The following GREB1 variants were observed in gnomAD, a reference collection of about 807,000 sequenced individuals.
GREB1 encodes the protein growth regulating estrogen receptor binding 1.
GREB1 carries 106 observed loss-of-function variants against 200.7 expected under a neutral mutation model. The ratio of observed to expected loss-of-function variants is 0.53; its 90% CI spans 0.45 to 0.62. The LOEUF (loss-of-function observed/expected upper bound fraction) is 0.62. Ranked by LOEUF, GREB1 falls within the 20% of genes least tolerant of loss-of-function variation. The pLI is 0.00. For synonymous variants in GREB1, 1,132 were observed against 1,092.4 expected (o/e 1.04, Z -0.72); for missense variants, 2,243 against 2,556.8 (o/e 0.88, Z 2.65).
chr2:11,640,420 G>C lies in GREB1; in HGVS notation c.5816G>C (p.Arg1939Pro), dbSNP rs750656652. 2 of 1,614,196 alleles carry C rather than the reference G, an allele frequency of 1.2e-6. No individual in the cohort carries two copies. The highest frequency in any genetic ancestry group is 1.7e-6 in the Non-Finnish European group (2 of 1,180,036). ...EFQTANAREDRPLFFLTGRHI is the reference protein window; with the variant it reads ...EFQTANAREDPPLFFLTGRHI ...CAGACCGCCAATGCCAGGGAAGACC[G>C]GCCGCTCTTTTTTCTGACGGGACGA... The change falls in exon 33 of 33, where the codon CGG becomes CCG. Residue 1939 changes from arginine (R) to proline (P), a missense_variant. This residue lies in a region of GREB1 where 478 missense variants were observed against 616.3 expected (regional missense o/e 0.78). Coordinates refer to ENST00000381486, the MANE Select transcript of GREB1 (RefSeq NM_014668.4). This position sits in a 1 kb window ranked among gnomAD's most constrained non-coding sequence, Gnocchi z 4.6.
intron 17 of GREB1, 137 bp downstream of exon 17, chr2:11,602,679 C>T: frequency 1.4e-6 from 1 of 711,898 alleles, no homozygotes; most frequent in Middle Eastern, 4.1e-4. Context: ...CTAAATGTAC[C>T]CTGGTTTTTT....
intron 1 of GREB1, among the ~76,000 whole-genome samples, chr2:11,495,244 A>G (rs1436016097): frequency 6.6e-6 from 1 of 152,156 alleles, no homozygotes; most frequent in Admixed American, 6.5e-5. Flanking sequence ...CTTTGTGCCA[A>G]CATTTTACAT....
intron 1 of GREB1, among the ~76,000 whole-genome samples, chr2:11,501,920 T>TTTTTTTTTTTTTTG (rs1673056985): frequency 1.7e-5 from 2 of 118,028 alleles, no homozygotes; most frequent in Non-Finnish European, 3.5e-5. Flanking sequence ...TTTTTTTTTT[T>TTTTTTTTTTTTTTG]TTTTTTTTTT....
chr2:11,515,991 G>A (rs1042043991), intron 1 of GREB1, among the ~76,000 whole-genome samples: 1 of 152,168 alleles, frequency 6.6e-6, no homozygotes, highest in South Asian at 2.1e-4. Flanking sequence ...TTAGAGCTCA[G>A]TGGCTTATTT....
intron 2 of GREB1, 142 bp downstream of exon 2, chr2:11,556,913 A>G (rs1052299291): frequency 6.3e-6 from 4 of 636,134 alleles, no homozygotes; most frequent in African/African-American, 1.9e-5. Flanking sequence ...AAAACTGGGT[A>G]CAAGTTCTTA....
At chr2:11,574,518 G>C (rs1678644399) in intron 4 of GREB1, among the ~76,000 whole-genome samples, 2 of 152,138 alleles carry the variant, frequency 1.3e-5, no homozygotes, top group Admixed American at 1.3e-4. Context: ...GGGTTGAAAG[G>C]CAGGGGAGTC....
rs1276617278 is a variant in GREB1 at position 11,492,728 on chromosome 2, G to A, written c.-159+10347G>A. Among the ~76,000 whole-genome samples, 1 of 152,222 alleles carries A rather than the reference G, an allele frequency of 6.6e-6. No homozygotes were observed. The highest frequency in any genetic ancestry group is 1.5e-5 in the Non-Finnish European group (1 of 68,022). ...TTCATCTGGACTGTGCCCTAGGGCA[G>A]CCCCCTTGAGACTCACACTGAAGGC... On this transcript the variant is annotated intron_variant, in intron 1 of 2. Transcript: ENST00000628795. The surrounding 1 kb of genome is among the most constrained non-coding windows in gnomAD (Gnocchi z 4.0).
At chr2:11,484,258 C>T (rs2148390291) in intron 1 of GREB1, among the ~76,000 whole-genome samples, 1 of 152,286 alleles carries the variant, frequency 6.6e-6, no homozygotes, top group East Asian at 1.9e-4. Flanking sequence ...AAGTATGTTT[C>T]TAGGAAACAA....
At position 11,640,309 on chromosome 2, in the gene GREB1, T is replaced by C; in HGVS notation, c.5705T>C (p.Ile1902Thr). The C allele has an allele frequency of 1.2e-6, 2 of 1,612,734 alleles. No individual in the cohort carries two copies. Among genetic ancestry groups the C allele is most frequent in the South Asian group, 2.2e-5 (2 of 90,954 alleles). ...CACGCAGGTGCGACGTTGTGTGTCATCTGTCAGGACCGGAGCTCACTGCGC... is the reference window on the plus strand; with the variant it reads ...CACGCAGGTGCGACGTTGTGTGTCACCTGTCAGGACCGGAGCTCACTGCGC... ...HFLKGATLCVICQDRSSLRQT... is the reference protein window; with the variant it reads ...HFLKGATLCVTCQDRSSLRQT... Residue 1902 changes from isoleucine (I) to threonine (T), a missense_variant, in exon 33 of 33, where the codon ATC (isoleucine) becomes ACC (threonine). Physicochemically the swap from Ile to Thr is moderately conservative, Grantham distance 89 (BLOSUM62 -1). Transcript: ENST00000381486. The surrounding 1 kb of genome is among the most constrained non-coding windows in gnomAD (Gnocchi z 4.6).
At chr2:11,497,778 A>G (rs1672926560) in intron 1 of GREB1, among the ~76,000 whole-genome samples, 1 of 152,034 alleles carries the variant, frequency 6.6e-6, no homozygotes, top group African/African-American at 2.4e-5. Flanking sequence ...CTCTTCAGTA[A>G]AACATCTCTT....
chr2:11,596,327 AGAGGGGCCATGGCGCAAGTGTGCACAGT>A, intron 13 of GREB1, 88 bp downstream of exon 13: 1 of 1,114,234 alleles, frequency 9.0e-7, no homozygotes, highest in Non-Finnish European at 1.3e-6. Context: ...GTGCACAGTG[AGAGGGGCCATGGCGCAAGTGTGCACAGT>A]GAGGGGGCAG....
At chr2:11,571,991 G>C (rs564370753) in intron 4 of GREB1, among the ~76,000 whole-genome samples, 1 of 152,202 alleles carries the variant, frequency 6.6e-6, no homozygotes, top group African/African-American at 2.4e-5. Flanking sequence ...GATTACAGGC[G>C]TGAGCCACCA....
At chr2:11,516,204 C>G (rs1355237634) in intron 1 of GREB1, among the ~76,000 whole-genome samples, 1 of 152,136 alleles carries the variant, frequency 6.6e-6, no homozygotes, top group African/African-American at 2.4e-5. Flanking sequence ...AGCTTTTTCT[C>G]CTTAGTCCAG....
intron 1 of GREB1, among the ~76,000 whole-genome samples, chr2:11,553,718 T>C (rs1214592507): frequency 6.6e-6 from 1 of 152,196 alleles, no homozygotes; most frequent in Non-Finnish European, 1.5e-5. Flanking sequence ...ACGCAGTGGC[T>C]GGACAGTGGA....
At chr2:11,485,403 A>G (rs1331596364) in intron 1 of GREB1, among the ~76,000 whole-genome samples, 12 of 151,692 alleles carry the variant, frequency 7.9e-5, no homozygotes, top group Admixed American at 7.9e-4. Flanking sequence ...CCTCCTGAGT[A>G]GCTGGGATCC....
In GREB1 at chr2:11,629,506, C is replaced by T. The variant is rs532237613; in HGVS notation, c.4450-442C>T. The stretch of plus-strand genomic sequence containing the variant: ...CAGGACAGAACGGTGCCTGGCGAGC[C>T]GTGTTATAGGAGTGTCCAAGCATAT... On this transcript the variant is annotated intron_variant, in intron 25 of 32. Coordinates refer to ENST00000381486, the MANE Select transcript of GREB1 (RefSeq NM_014668.4). This position sits in a 1 kb window ranked among gnomAD's most constrained non-coding sequence, Gnocchi z 5.2. Among the ~76,000 whole-genome samples, 6 of 152,168 alleles carry T rather than the reference C, an allele frequency of 3.9e-5. No individual in the cohort carries two copies. Among genetic ancestry groups the T allele is most frequent in the East Asian group, 1.9e-4 (1 of 5,178 alleles).
At chr2:11,518,747 C>CA (rs11417674) in intron 1 of GREB1, among the ~76,000 whole-genome samples, 26,126 of 102,432 alleles carry the variant, frequency 0.26, 2,822 homozygotes, top group African/African-American at 0.38. Flanking sequence ...AAGTGAAATA[C>CA]AAAAAAAAAA....
rs1044162688 is a variant in GREB1, at chr2:11,578,575, T to G, written c.772+144T>G. On this transcript the variant is annotated intron_variant, in intron 6 of 32. Coordinates refer to ENST00000381486, the MANE Select transcript of GREB1 (RefSeq NM_014668.4). ...TTTCTATAACACCTTTACTTTCATC[T>G]TGAATTTGTAATACTTTTCAACAAA... The G allele has an allele frequency of 3.7e-5, 31 of 828,570 alleles. No individual in the cohort carries two copies. In the Admixed American group the frequency reaches 9.0e-4, roughly 24 times the overall value. The allele number at this position is 828,570 out of a possible 1,614,324, so 51.3% of individuals were successfully genotyped here.
intron 1 of GREB1, among the ~76,000 whole-genome samples, chr2:11,504,122 G>C (rs748520884): frequency 5.3e-4 from 80 of 152,058 alleles, no homozygotes; most frequent in Admixed American, 2.1e-3. Context: ...CCTTCTTCTT[G>C]TGATCTGCTG....
Sources: gnomAD v4.1 joint callset for allele counts (sites outside exome capture counted in the v4.1 genomes callset) on GRCh38, gnomAD v4.1.1 for gene constraint, gnomAD v4.1.1 regional missense constraint, Gnocchi (gnomAD v3.1) non-coding constraint, MANE v1.5 for transcripts, NCBI Gene and HGNC (gene_info 2026-07-23, HGNC 2026-07-21) for gene names.